Variants in ARHGAP42 observed in about 807,000 individuals in gnomAD.
The protein encoded by ARHGAP42 is rho GTPase-activating protein 42.
ARHGAP42 carries 63 observed loss-of-function variants against 125.0 expected under a neutral mutation model. That is an observed-to-expected ratio of 0.50 (90% confidence interval 0.41 to 0.62). The LOEUF is 0.62. Among genes scored for constraint, ARHGAP42 ranks in the 20% least tolerant of loss-of-function variants. The pLI, the probability that ARHGAP42 is intolerant of heterozygous loss-of-function variation, is 0.00. For missense variants in ARHGAP42, 766 were observed against 1,024.2 expected, an observed-to-expected ratio of 0.75 and a Z score of 3.44; for synonymous variants, 339 against 351.0, an observed-to-expected ratio of 0.97 and a Z score of 0.38.
chr11:100,802,565 C>T (rs571707230), intron 3 of ARHGAP42, among the ~76,000 whole-genome samples: 120 of 152,054 alleles, frequency 7.9e-4, no homozygotes, highest in African/African-American at 2.8e-3. Context: ...GCTAGGACTA[C>T]AGGCGCACGC....
chr11:100,705,814 G>A (rs894420365), intron 1 of ARHGAP42, among the ~76,000 whole-genome samples: 6 of 151,958 alleles, frequency 3.9e-5, no homozygotes, highest in African/African-American at 1.5e-4. Context: ...TGATCCTCCC[G>A]CCTTGGCCTC....
At chr11:100,949,845 G>T in intron 11 of ARHGAP42, 72 bp from the exon 12 acceptor site, 1 of 1,017,524 alleles carries the variant, frequency 9.8e-7, no homozygotes, top group Non-Finnish European at 1.4e-6. Context: ...TTAGTGTACA[G>T]ATATCACCTT....
chr11:100,977,030 T>C, intron 21 of ARHGAP42, 59 bp downstream of exon 21: 1 of 1,534,700 alleles, frequency 6.5e-7, no homozygotes, highest in African/African-American at 1.4e-5. Context: ...GAGTTGAGTG[T>C]TTCAGAAGAA....
At chr11:100,807,679 G>A (rs1016335767) in intron 3 of ARHGAP42, among the ~76,000 whole-genome samples, 1 of 152,072 alleles carries the variant, frequency 6.6e-6, no homozygotes, top group Non-Finnish European at 1.5e-5. Flanking sequence ...GGAAGACATG[G>A]GATATGAGCT....
intron 5 of ARHGAP42, among the ~76,000 whole-genome samples, chr11:100,916,375 G>A (rs1867065482): frequency 6.6e-6 from 1 of 152,128 alleles, no homozygotes; most frequent in Non-Finnish European, 1.5e-5. Flanking sequence ...ATGACATGGG[G>A]CTATCATCTC....
chr11:100,692,274 A>C (rs896785792), intron 1 of ARHGAP42, among the ~76,000 whole-genome samples: 4 of 152,242 alleles, frequency 2.6e-5, no homozygotes, highest in Non-Finnish European at 4.4e-5. Context: ...TATTGTGATA[A>C]TTAAATATAC....
chr11:100,913,617 G>C (rs939986903), intron 5 of ARHGAP42, 64 bp downstream of exon 5: 2 of 827,676 alleles, frequency 2.4e-6, no homozygotes, highest in Non-Finnish European at 3.3e-6. Flanking sequence ...AATTTCCAAA[G>C]GTAAAACTAT....
intron 6 of ARHGAP42, among the ~76,000 whole-genome samples, chr11:100,923,538 G>A (rs1038101972): frequency 1.3e-5 from 2 of 151,258 alleles, no homozygotes; most frequent in Non-Finnish European, 2.9e-5. Context: ...GACATCAGAT[G>A]TATACAGAGG....
chr11:100,891,011 G>T (rs1270630354), intron 4 of ARHGAP42, among the ~76,000 whole-genome samples: 1 of 152,200 alleles, frequency 6.6e-6, no homozygotes, highest in Non-Finnish European at 1.5e-5. Context: ...TGAGGCAGAT[G>T]AGTCAGAGAT....
intron 4 of ARHGAP42, among the ~76,000 whole-genome samples, chr11:100,877,704 G>C (rs1171827101): frequency 6.6e-6 from 1 of 152,104 alleles, no homozygotes; most frequent in African/African-American, 2.4e-5. Context: ...TAACTGTTGT[G>C]ACAGTTAAGA....
At chr11:100,949,151 T>C (rs1415985467) in intron 11 of ARHGAP42, among the ~76,000 whole-genome samples, 1 of 151,964 alleles carries the variant, frequency 6.6e-6, no homozygotes, top group East Asian at 1.9e-4. Flanking sequence ...ACAGAGGAAA[T>C]AAGAGTCGCC....
At chr11:100,746,198 G>A (rs1015717118) in intron 1 of ARHGAP42, among the ~76,000 whole-genome samples, 1 of 152,186 alleles carries the variant, frequency 6.6e-6, no homozygotes, top group Non-Finnish European at 1.5e-5. Context: ...AAATTCTTAA[G>A]CTCATTGCAT....
chr11:100,804,260 G>A (rs2135048174), intron 3 of ARHGAP42, among the ~76,000 whole-genome samples: 1 of 152,170 alleles, frequency 6.6e-6, no homozygotes, highest in African/African-American at 2.4e-5. Flanking sequence ...AAAGTACTAG[G>A]ATTGCAGGCA....
intron 3 of ARHGAP42, among the ~76,000 whole-genome samples, chr11:100,847,633 C>T (rs761848384): frequency 6.6e-6 from 1 of 151,984 alleles, no homozygotes; most frequent in Non-Finnish European, 1.5e-5. Flanking sequence ...GCTAATTTAA[C>T]CTGGAGAGAT....
chr11:100,807,342 T>C (rs1416058546), intron 3 of ARHGAP42, among the ~76,000 whole-genome samples: 1 of 151,984 alleles, frequency 6.6e-6, no homozygotes, highest in Non-Finnish European at 1.5e-5. Context: ...ATTACAGGCA[T>C]GCATCAACAT....
rs185068509 is a variant in ARHGAP42, at chr11:100,985,073, G to A, written c.2457-2440G>A. Among the ~76,000 whole-genome samples the A allele has an allele frequency of 1.2e-4, 18 of 152,230 alleles. No individual in the cohort carries two copies. In the East Asian group the frequency reaches 2.9e-3, roughly 24 times the overall value. ...CAATATGTATGTCTTTATTTATTTA[G>A]CGATATAATTATTCTGTATGCTTTT... On this transcript the variant is annotated intron_variant, in intron 22 of 23. Transcript: ENST00000298815.
At chr11:100,858,086 G>GGGGT (rs779137957) in intron 3 of ARHGAP42, among the ~76,000 whole-genome samples, 3 of 108,920 alleles carry the variant, frequency 2.8e-5, no homozygotes, top group African/African-American at 9.0e-5. Flanking sequence ...TCTGGATAGG[G>GGGGT]GTGTGTGTGT....
intron 16 of ARHGAP42, among the ~76,000 whole-genome samples, chr11:100,963,776 A>G (rs1858018279): frequency 6.6e-6 from 1 of 152,220 alleles, no homozygotes; most frequent in Admixed American, 6.5e-5. Flanking sequence ...GGCAAGTAAC[A>G]TGTACAATGA....
At chr11:100,778,706 A>G (rs1394305242) in intron 2 of ARHGAP42, among the ~76,000 whole-genome samples, 2 of 152,172 alleles carry the variant, frequency 1.3e-5, no homozygotes, top group African/African-American at 4.8e-5. Context: ...TGCTTTTATC[A>G]TATTAGCTGT....
Sources: gnomAD v4.1 joint callset for allele counts (sites outside exome capture counted in the v4.1 genomes callset) on GRCh38, gnomAD v4.1.1 for gene constraint, MANE v1.5 for transcripts, NCBI Gene and HGNC (gene_info 2026-07-23, HGNC 2026-07-21) for gene names.